The following KPNA6 variants were observed in gnomAD, a reference collection of about 807,000 sequenced individuals.
KPNA6 encodes karyopherin subunit alpha 6.
KPNA6 carries 9 observed loss-of-function variants against 72.0 expected under a neutral mutation model. That is an observed-to-expected ratio of 0.13 (90% CI 0.08 to 0.22). KPNA6 has a LOEUF of 0.22. Ranked by LOEUF, KPNA6 falls within the 10% of genes least tolerant of loss-of-function variation. KPNA6 has a pLI of 1.00. For missense variants in KPNA6, 374 were observed against 655.7 expected (o/e 0.57, Z 4.69); for synonymous variants, 219 against 242.1 (o/e 0.90, Z 0.89).
At chr1:32,143,817 T>A (rs547781601) in intron 1 of KPNA6, among the ~76,000 whole-genome samples, 1 of 152,184 alleles carries the variant, frequency 6.6e-6, no homozygotes, top group African/African-American at 2.4e-5. Context: ...AGTTTGACTC[T>A]AGGTACCTCA....
chr1:32,113,692 G>T (rs1453699850), intron 1 of KPNA6, among the ~76,000 whole-genome samples: 2 of 152,066 alleles, frequency 1.3e-5, no homozygotes, highest in African/African-American at 4.8e-5. Context: ...TCCTGCCTTA[G>T]CCTCCCAAAG....
intron 1 of KPNA6, among the ~76,000 whole-genome samples, chr1:32,122,090 A>G (rs888357353): frequency 6.6e-6 from 1 of 151,982 alleles, no homozygotes; most frequent in African/African-American, 2.4e-5. Flanking sequence ...CCTGGCCAAC[A>G]TGGTGAAACC....
At chr1:32,127,874 G>A in intron 1 of KPNA6, among the ~76,000 whole-genome samples, 1 of 152,090 alleles carries the variant, frequency 6.6e-6, no homozygotes, top group East Asian at 1.9e-4. Flanking sequence ...TATTCTTAGA[G>A]CTGTGAGTCT....
intron 4 of KPNA6, among the ~76,000 whole-genome samples, chr1:32,157,904 C>T (rs563444189): frequency 6.6e-6 from 1 of 152,256 alleles, no homozygotes; most frequent in South Asian, 2.1e-4. Flanking sequence ...AAAAATACCT[C>T]TTGTTTCAGT....
chr1:32,125,795 A>G (rs945997947), intron 1 of KPNA6, among the ~76,000 whole-genome samples: 1 of 152,228 alleles, frequency 6.6e-6, no homozygotes, highest in Admixed American at 6.5e-5. Context: ...ATTATGGTGC[A>G]TATAACTTGT....
intron 1 of KPNA6, among the ~76,000 whole-genome samples, chr1:32,154,167 C>T (rs1642092186): frequency 6.6e-6 from 1 of 151,862 alleles, no homozygotes; most frequent in African/African-American, 2.4e-5. Context: ...AACAGCATTT[C>T]TCAAAGTATG....
chr1:32,159,278 T>C (rs1413443672), intron 5 of KPNA6, 122 bp from the exon 6 acceptor site: 2 of 967,348 alleles, frequency 2.1e-6, no homozygotes, highest in Non-Finnish European at 3.1e-6. Flanking sequence ...GCTTGTGTTT[T>C]GTGAGGTTTT....
At chr1:32,110,507 C>T (rs1413797937) in intron 1 of KPNA6, among the ~76,000 whole-genome samples, 1 of 152,158 alleles carries the variant, frequency 6.6e-6, no homozygotes, top group Non-Finnish European at 1.5e-5. Context: ...AAGCATCTAG[C>T]ACAGTCCACA....
intron 9 of KPNA6, among the ~76,000 whole-genome samples, chr1:32,163,017 T>C (rs887746470): frequency 3.3e-5 from 5 of 150,024 alleles, no homozygotes; most frequent in South Asian, 2.1e-4. Flanking sequence ...GGCAGGAGAA[T>C]GGCGTGAACC....
chr1:32,109,433 A>G (rs1257850151), intron 1 of KPNA6, among the ~76,000 whole-genome samples: 2 of 151,666 alleles, frequency 1.3e-5, no homozygotes, highest in Admixed American at 6.6e-5. Context: ...CGGCCTCCCA[A>G]AGTGCTGGGA....
intron 1 of KPNA6, among the ~76,000 whole-genome samples, chr1:32,136,424 T>C (rs980952816): frequency 3.3e-5 from 5 of 152,160 alleles, no homozygotes; most frequent in Non-Finnish European, 5.9e-5. Flanking sequence ...TCTGTCCGCC[T>C]TGGACTCCCA....
rs1479195939 is a variant in KPNA6 at position 32,173,246 on chromosome 1, G to A, written c.*2352G>A. On this transcript the variant is annotated 3_prime_UTR_variant, in exon 14 of 14. Transcript: ENST00000373625. ...TTGTTCTCTTCCAAAGGGCAATTTA[G>A]TAGGATCTACTTTGTACATCTCAAG... is the stretch of plus-strand genomic sequence containing the variant. The A allele has an allele frequency of 2.6e-6, 1 of 387,592 alleles. No homozygotes were observed. Among genetic ancestry groups the A allele is most frequent in the South Asian group, 1.4e-4 (1 of 7,006 alleles). 24.0% of individuals were successfully genotyped at this position (387,592 alleles called of 1,614,324 possible).
intron 10 of KPNA6, 82 bp downstream of exon 10, chr1:32,163,395 G>C (rs1229652718): frequency 1.0e-6 from 1 of 986,562 alleles, no homozygotes; most frequent in Non-Finnish European, 1.6e-6. Flanking sequence ...AGCCTTTCCT[G>C]CAAAGGGCTG....
chr1:32,108,205 C>T, intron 1 of KPNA6, 71 bp downstream of exon 1: 1 of 1,601,258 alleles, frequency 6.2e-7, no homozygotes, highest in Non-Finnish European at 8.6e-7. Context: ...TGGCGAGAGC[C>T]TGTCTCCGGT....
intron 1 of KPNA6, among the ~76,000 whole-genome samples, chr1:32,151,588 A>G (rs1044518668): frequency 6.6e-6 from 1 of 151,858 alleles, no homozygotes; most frequent in Non-Finnish European, 1.5e-5. Flanking sequence ...TCTCTCCTCC[A>G]CTGGTGAGAT....
intron 1 of KPNA6, among the ~76,000 whole-genome samples, chr1:32,111,448 T>C (rs1269793823): frequency 6.6e-6 from 1 of 152,192 alleles, no homozygotes; most frequent in Non-Finnish European, 1.5e-5. Flanking sequence ...AACTTCCTCT[T>C]TCCAGCTCCA....
At chr1:32,119,780 T>C (rs1254873711) in intron 1 of KPNA6, among the ~76,000 whole-genome samples, 6 of 150,696 alleles carry the variant, frequency 4.0e-5, no homozygotes, top group Non-Finnish European at 8.9e-5. Context: ...GGTCTTGCAC[T>C]GTCGCCCAGG....
At chr1:32,154,434 G>A (rs1312823499) in intron 1 of KPNA6, among the ~76,000 whole-genome samples, 154 bp from the exon 2 acceptor site, 1 of 151,850 alleles carries the variant, frequency 6.6e-6, no homozygotes, top group Non-Finnish European at 1.5e-5. Flanking sequence ...GGGGCTGGGG[G>A]GTGGGTAGAG....
At chr1:32,164,548 C>G (rs888756140) in intron 10 of KPNA6, among the ~76,000 whole-genome samples, 1 of 149,228 alleles carries the variant, frequency 6.7e-6, no homozygotes, top group African/African-American at 2.5e-5. Context: ...TGTTATTTTC[C>G]GTTTTTTGTT....
Sources: gnomAD v4.1 joint callset for allele counts (sites outside exome capture counted in the v4.1 genomes callset) on GRCh38, gnomAD v4.1.1 for gene constraint, MANE v1.5 for transcripts, NCBI Gene and HGNC (gene_info 2026-07-23, HGNC 2026-07-21) for gene names.